The following PARD3 variants were observed in gnomAD, a reference collection of about 807,000 sequenced individuals.
PARD3 encodes partitioning defective 3 homolog.
In PARD3, 75 loss-of-function variants were observed where a neutral mutation model predicts 155.4. The ratio of observed to expected loss-of-function variants is 0.48; its 90% confidence interval spans 0.40 to 0.58. The LOEUF is 0.58. PARD3 is among the 20% of genes least tolerant of loss of function. The probability of loss-of-function intolerance (pLI) is 0.00; values close to 1 mark genes in which losing one functional copy is unlikely to be tolerated. For synonymous variants in PARD3, 576 were observed against 610.5 expected (o/e 0.94, Z 0.83); for missense variants, 1,642 against 1,721.7 (o/e 0.95, Z 0.82).
At chr10:34,243,505 T>C (rs933073739) in intron 22 of PARD3, among the ~76,000 whole-genome samples, 3 of 152,198 alleles carry the variant, frequency 2.0e-5, no homozygotes, top group African/African-American at 2.4e-5. Context: ...GAGCTACTCA[T>C]TGAAGTCTGA....
intron 1 of PARD3, among the ~76,000 whole-genome samples, chr10:34,729,463 G>A (rs1206264225): frequency 1.3e-5 from 2 of 151,534 alleles, no homozygotes; most frequent in African/African-American, 4.9e-5. Flanking sequence ...CCCAGCAGGC[G>A]GAGGTTGCAG....
In PARD3 at chr10:34,131,484, G is replaced by A. The variant is rs529826706; in HGVS notation, c.3519C>T (p.Thr1173=). The A allele has an allele frequency of 1.9e-6, 3 of 1,614,078 alleles. No homozygotes were observed. In the South Asian group the frequency reaches 3.3e-5, roughly 18 times the overall value. ...QDEDVEDRRR[T]YSFEQPWPNA... The stretch of plus-strand genomic sequence containing the variant: ...TTACCCAGGGTTGCTCAAAACTATA[G>A]GTCCGCCGACGATCTTCTACATCTT... The change falls in exon 23 of 25, where the codon ACC becomes ACT. Residue 1173 remains threonine, a synonymous_variant. Coordinates refer to ENST00000374788, the MANE Select transcript of PARD3 (RefSeq NM_001184785.2).
intron 22 of PARD3, among the ~76,000 whole-genome samples, chr10:34,235,336 CT>C (rs1455519864): frequency 6.6e-6 from 1 of 152,198 alleles, no homozygotes; most frequent in Non-Finnish European, 1.5e-5. Flanking sequence ...CCCAATTCTG[CT>C]GCTAAACATG....
At position 34,407,080 on chromosome 10, in the gene PARD3, T is replaced by C. The variant is rs183308438; in HGVS notation, c.715-5163A>G. ...AACATAAATATATTATTTAGAAACATGGAAGTAAATATCAGAGCAGACATT... is the reference window on the plus strand; with the variant it reads ...AACATAAATATATTATTTAGAAACACGGAAGTAAATATCAGAGCAGACATT... On this transcript the variant is annotated intron_variant, in intron 5 of 24. Transcript: ENST00000374788. Among the ~76,000 whole-genome samples the C allele has an allele frequency of 3.3e-5, 5 of 152,252 alleles. No individual in the cohort carries two copies. In the East Asian group the frequency reaches 7.7e-4, roughly 23 times the overall value.
At chr10:34,716,257 T>A (rs2094518059) in intron 1 of PARD3, among the ~76,000 whole-genome samples, 1 of 152,208 alleles carries the variant, frequency 6.6e-6, no homozygotes, top group African/African-American at 2.4e-5. Context: ...AAAGGAAGTT[T>A]AACACAATGC....
chr10:34,662,621 C>A (rs745947643), intron 2 of PARD3, among the ~76,000 whole-genome samples: 8 of 152,112 alleles, frequency 5.3e-5, no homozygotes, highest in Non-Finnish European at 1.0e-4. Flanking sequence ...ACCTGTAATC[C>A]CAGCACTTTG....
intron 1 of PARD3, among the ~76,000 whole-genome samples, chr10:34,712,957 A>C (rs1257628964): frequency 6.6e-6 from 1 of 152,146 alleles, no homozygotes; most frequent in Non-Finnish European, 1.5e-5. Context: ...GCCTGTAATC[A>C]CAGCACTTTG....
At chr10:34,217,235 G>A (rs779277701) in intron 22 of PARD3, among the ~76,000 whole-genome samples, 1 of 151,904 alleles carries the variant, frequency 6.6e-6, no homozygotes, top group East Asian at 2.0e-4. Flanking sequence ...TTGTTCTTGC[G>A]CTGTCTCTGT....
At chr10:34,307,192 A>G (rs1383630968) in intron 20 of PARD3, among the ~76,000 whole-genome samples, 8 of 152,096 alleles carry the variant, frequency 5.3e-5, no homozygotes, top group African/African-American at 1.9e-4. Context: ...ACCCGGCTCA[A>G]AAGTTTTATT....
At chr10:34,319,971 T>C (rs1958277134) in intron 19 of PARD3, among the ~76,000 whole-genome samples, 1 of 152,342 alleles carries the variant, frequency 6.6e-6, no homozygotes, top group Admixed American at 6.5e-5. Flanking sequence ...CATGGAAACC[T>C]CCTTTCACCT....
chr10:34,320,987 T>A (rs571419086), intron 19 of PARD3, among the ~76,000 whole-genome samples: 1 of 152,232 alleles, frequency 6.6e-6, no homozygotes. Context: ...TACTGAATTA[T>A]ATATACTTCA....
At chr10:34,628,233 T>A (rs896129780) in intron 2 of PARD3, among the ~76,000 whole-genome samples, 1 of 152,222 alleles carries the variant, frequency 6.6e-6, no homozygotes, top group Non-Finnish European at 1.5e-5. Flanking sequence ...GATGGGATGA[T>A]CCATCCACAA....
intron 20 of PARD3, among the ~76,000 whole-genome samples, chr10:34,287,187 C>T (rs1283224572): frequency 4.6e-5 from 7 of 152,140 alleles, no homozygotes; most frequent in Non-Finnish European, 1.5e-5. Flanking sequence ...AACACTGAGG[C>T]ATCTCCAAGT....
At chr10:34,426,939 G>C (rs183776374) in intron 5 of PARD3, among the ~76,000 whole-genome samples, 6 of 152,064 alleles carry the variant, frequency 3.9e-5, no homozygotes, top group African/African-American at 7.3e-5. Flanking sequence ...TGCAATCTCC[G>C]AACATAAATT....
intron 1 of PARD3, among the ~76,000 whole-genome samples, chr10:34,701,146 G>A (rs1000330940): frequency 6.6e-6 from 1 of 152,178 alleles, no homozygotes; most frequent in African/African-American, 2.4e-5. Flanking sequence ...GCAGACCAGA[G>A]GGACAGGGCA....
chr10:34,475,792 T>C (rs990255328), intron 3 of PARD3, among the ~76,000 whole-genome samples: 1 of 152,170 alleles, frequency 6.6e-6, no homozygotes, highest in East Asian at 1.9e-4. Context: ...CCTAGAAAGT[T>C]TGAATTTTAT....
chr10:34,482,466 A>G (rs1309345849), intron 3 of PARD3, among the ~76,000 whole-genome samples: 1 of 152,088 alleles, frequency 6.6e-6, no homozygotes. Context: ...CCCCTGCCCC[A>G]GGCCTCTGAC....
intron 22 of PARD3, among the ~76,000 whole-genome samples, chr10:34,183,628 G>T (rs1426653631): frequency 6.6e-6 from 1 of 152,162 alleles, no homozygotes; most frequent in Non-Finnish European, 1.5e-5. Context: ...CATGGCGTCT[G>T]CATTTGCATA....
At position 34,378,031 on chromosome 10, in the gene PARD3, T is replaced by C; in HGVS notation, c.1475A>G (p.Asn492Ser). ...IGGSAPIYVK[N>S]ILPRGAAIQD... ...AATGGCCGCCCCCCGGGGGAGAATG[T>C]TTTTCACATAGATTGGAGCTGAGCC... Residue 492 changes from asparagine to serine, a missense_variant, in exon 10 of 25, where the codon AAC (asparagine) becomes AGC (serine). Around this residue, in one of 3 missense-constraint regions of PARD3, gnomAD observed 1,529 missense variants for 1,587.3 expected, o/e 0.96. Coordinates refer to ENST00000374788, the MANE Select transcript of PARD3 (RefSeq NM_001184785.2). 1 of 1,592,620 alleles carries C rather than the reference T, an allele frequency of 6.3e-7. No homozygotes were observed. Among genetic ancestry groups the C allele is most frequent in the Non-Finnish European group, 8.5e-7 (1 of 1,171,396 alleles).
Sources: allele counts gnomAD v4.1 joint callset (sites outside exome capture counted in the v4.1 genomes callset), GRCh38; gene constraint gnomAD v4.1.1; regional missense constraint gnomAD v4.1.1; transcripts MANE v1.5; gene names NCBI Gene and HGNC (gene_info 2026-07-23, HGNC 2026-07-21).